ABCB5: variants seen among roughly 807,000 people sequenced by gnomAD.
ABCB5 encodes ATP-binding cassette sub-family B member 5.
A neutral mutation model predicts 144.2 loss-of-function variants in ABCB5; 155 were observed. The ratio of observed to expected loss-of-function variants is 1.08; its 90% CI spans 0.94 to 1.23. The LOEUF (loss-of-function observed/expected upper bound fraction) is 1.23, where lower values mean the gene tolerates loss of function less well. Among genes scored for constraint, ABCB5 ranks in the 50% most tolerant of loss-of-function variants. ABCB5 has a pLI of 0.00. For synonymous variants in ABCB5, 610 were observed against 528.6 expected (o/e 1.15, Z -2.11); for missense variants, 1,830 against 1,520.8 (o/e 1.20, Z -3.38).
At chr7:20,656,338 G>A (rs1187638224) in intron 13 of ABCB5, among the ~76,000 whole-genome samples, 1 of 151,968 alleles carries the variant, frequency 6.6e-6, no homozygotes, top group Non-Finnish European at 1.5e-5. Flanking sequence ...GCAAGACAGA[G>A]AGCACAAGAA....
intron 14 of ABCB5, among the ~76,000 whole-genome samples, chr7:20,662,819 G>T (rs1048031427): frequency 6.6e-6 from 1 of 151,616 alleles, no homozygotes; most frequent in Non-Finnish European, 1.5e-5. Flanking sequence ...ATCTGATTGA[G>T]AAAGGGAAAA....
intron 14 of ABCB5, among the ~76,000 whole-genome samples, chr7:20,663,161 C>T (rs1163540532): frequency 6.6e-6 from 1 of 152,202 alleles, no homozygotes; most frequent in East Asian, 1.9e-4. Flanking sequence ...GATTACACTG[C>T]CGGGAGGTGG....
At chr7:20,689,171 A>G (rs1333635703) in intron 16 of ABCB5, among the ~76,000 whole-genome samples, 2 of 152,218 alleles carry the variant, frequency 1.3e-5, no homozygotes, top group Non-Finnish European at 2.9e-5. Context: ...TAAAGAATAC[A>G]GAAGTAGCAG....
At chr7:20,626,423 T>G in intron 2 of ABCB5, 134 bp from the exon 3 acceptor site, 1 of 673,934 alleles carries the variant, frequency 1.5e-6, no homozygotes. Flanking sequence ...TCATTAAGTT[T>G]ATTTTTAAAA....
chr7:20,657,600 G>A (rs368026431), intron 13 of ABCB5, among the ~76,000 whole-genome samples: 1 of 152,162 alleles, frequency 6.6e-6, no homozygotes, highest in Admixed American at 6.5e-5. Context: ...CAAATCAGCG[G>A]TATCTGCAGG....
chr7:20,631,858 G>T (rs960940751), intron 4 of ABCB5, among the ~76,000 whole-genome samples: 1 of 152,042 alleles, frequency 6.6e-6, no homozygotes, highest in Non-Finnish European at 1.5e-5. Flanking sequence ...TTTCCAAGCC[G>T]CATGAGTACT....
intron 25 of ABCB5, among the ~76,000 whole-genome samples, chr7:20,744,053 T>G (rs1782643689): frequency 6.6e-6 from 1 of 152,026 alleles, no homozygotes; most frequent in South Asian, 2.1e-4. Flanking sequence ...GGGGGGCTTT[T>G]GTACGTTTTT....
At chr7:20,753,827 T>C (rs1783005019) in intron 27 of ABCB5, among the ~76,000 whole-genome samples, 2 of 152,218 alleles carry the variant, frequency 1.3e-5, no homozygotes, top group South Asian at 4.1e-4. Context: ...TCAATTTTAT[T>C]ATTATTCCAG....
chr7:20,643,758 CA>C, intron 7 of ABCB5, 126 bp downstream of exon 7: 1 of 984,250 alleles, frequency 1.0e-6, no homozygotes, highest in African/African-American at 1.6e-5. Flanking sequence ...GGATATTATA[CA>C]CCACAAATAC....
At chr7:20,725,274 C>T (rs779656837) in intron 21 of ABCB5, among the ~76,000 whole-genome samples, 1 of 152,000 alleles carries the variant, frequency 6.6e-6, no homozygotes, top group Non-Finnish European at 1.5e-5. Context: ...AATTATCAAA[C>T]GTTTAGTTTT....
At chr7:20,652,289 C>T (rs1348574923) in intron 13 of ABCB5, among the ~76,000 whole-genome samples, 4 of 152,082 alleles carry the variant, frequency 2.6e-5, no homozygotes, top group East Asian at 1.9e-4. Context: ...GAAATCAGGC[C>T]GGGTGCGGTG....
intron 14 of ABCB5, 83 bp from the exon 15 acceptor site, chr7:20,681,422 G>A (rs999632247): frequency 2.8e-5 from 41 of 1,467,770 alleles, no homozygotes; most frequent in Admixed American, 1.8e-4. Flanking sequence ...CCACCATGCC[G>A]GGTCAACAAA....
chr7:20,661,829 A>G (rs571204291), intron 14 of ABCB5, among the ~76,000 whole-genome samples: 2 of 152,080 alleles, frequency 1.3e-5, no homozygotes, highest in Admixed American at 6.5e-5. Flanking sequence ...CACCGCGCCC[A>G]GCGAGACCTG....
rs373783857 is a variant in ABCB5, at chr7:20,700,070, G to A, written c.2272G>A (p.Gly758Ser). Residue 758 changes from glycine (G) to serine (S), a missense_variant, in exon 19 of 28, where the codon GGC (glycine) becomes AGC (serine). Physicochemically the swap from Gly to Ser is moderately conservative, Grantham distance 56 (BLOSUM62 0). Coordinates refer to ENST00000404938, the MANE Select transcript of ABCB5 (RefSeq NM_001163941.2). ...GTTTGCTTTTCAGGGATTATTTTAC[G>A]GCAGAGCAGGGGAAATTTTAACGAT... ...VSYFMQGLFYGRAGEILTMRL... is the reference protein window; with the variant it reads ...VSYFMQGLFYSRAGEILTMRL... 9.2e-5 allele frequency: 149 copies of A among 1,613,592 alleles called. No individual in the cohort carries two copies. Among genetic ancestry groups the A allele is most frequent in the Non-Finnish European group, 1.2e-4 (137 of 1,179,818 alleles).
Position 20,665,861 on chromosome 7 carries a change from G to A in ABCB5, c.1707+7185G>A, listed in dbSNP as rs1785173185. ...AGCTTCTATTTGTTGAAAGGATTTT[G>A]CAGTTAAAAAAAAAAAAAAAATGTT... On this transcript the variant is annotated intron_variant, in intron 14 of 27. Coordinates refer to ENST00000404938, the MANE Select transcript of ABCB5 (RefSeq NM_001163941.2). Among the ~76,000 whole-genome samples the A allele has an allele frequency of 5.3e-5, 4 of 75,198 alleles. No homozygotes were observed. In the South Asian group the frequency reaches 2.2e-3, roughly 42 times the overall value. 49.3% of individuals were successfully genotyped at this position (75,198 alleles called of 152,430 possible).
At chr7:20,689,885 G>C (rs956248744) in intron 16 of ABCB5, among the ~76,000 whole-genome samples, 2 of 152,294 alleles carry the variant, frequency 1.3e-5, no homozygotes, top group Admixed American at 6.5e-5. Flanking sequence ...TAATATTTCA[G>C]ACAGGGGCAC....
At chr7:20,648,141 C>A (rs1368026548) in intron 11 of ABCB5, 63 bp downstream of exon 11, 16 of 1,010,632 alleles carry the variant, frequency 1.6e-5, no homozygotes, top group Non-Finnish European at 2.3e-5. Context: ...TGGCCAAGAT[C>A]TTCTCTGACA....
chr7:20,670,632 G>T (rs115760112), intron 14 of ABCB5, among the ~76,000 whole-genome samples: 1 of 152,174 alleles, frequency 6.6e-6, no homozygotes, highest in South Asian at 2.1e-4. Context: ...CAAGCTGGCC[G>T]GGTGCGGTGG....
chr7:20,633,874 A>T (rs1000463078), intron 5 of ABCB5, among the ~76,000 whole-genome samples: 1 of 151,948 alleles, frequency 6.6e-6, no homozygotes, highest in Non-Finnish European at 1.5e-5. Context: ...TGGCTATATA[A>T]TTTTGTTTAT....
Sources: allele counts gnomAD v4.1 joint callset (sites outside exome capture counted in the v4.1 genomes callset), GRCh38; gene constraint gnomAD v4.1.1; transcripts MANE v1.5; gene names NCBI Gene and HGNC (gene_info 2026-07-23, HGNC 2026-07-21).